NOVA1: variants seen among roughly 807,000 people sequenced by gnomAD.
NOVA1 encodes the protein NOVA alternative splicing regulator 1.
NOVA1 carries 7 observed loss-of-function variants against 38.0 expected under a neutral mutation model. The observed-to-expected ratio is 0.18, with a 90% CI of 0.10 to 0.35. The LOEUF is 0.35. Among genes scored for constraint, NOVA1 ranks in the 10% least tolerant of loss-of-function variants. The probability of loss-of-function intolerance (pLI) is 1.00; values close to 1 mark genes in which losing one functional copy is unlikely to be tolerated. For synonymous variants in NOVA1, 270 were observed against 232.5 expected (o/e 1.16, Z -1.47); for missense variants, 460 against 616.0 (o/e 0.75, Z 2.68).
chr14:26,572,471 T>C (rs1892540678), intron 2 of NOVA1, among the ~76,000 whole-genome samples: 1 of 152,166 alleles, frequency 6.6e-6, no homozygotes, highest in Non-Finnish European at 1.5e-5. Flanking sequence ...TACATACAGA[T>C]TGAGCATCTA....
chr14:26,468,475 A>T (rs1884326314), intron 4 of NOVA1, among the ~76,000 whole-genome samples: 1 of 152,204 alleles, frequency 6.6e-6, no homozygotes, highest in Admixed American at 6.5e-5. Context: ...TAAGTCATGC[A>T]TGGGCTCTTG....
chr14:26,544,680 G>A (rs1341490343), intron 2 of NOVA1, among the ~76,000 whole-genome samples: 1 of 151,616 alleles, frequency 6.6e-6, no homozygotes, highest in Admixed American at 6.6e-5. Flanking sequence ...AGAAAAGAAG[G>A]AATGAAAGAA....
intron 2 of NOVA1, among the ~76,000 whole-genome samples, chr14:26,496,008 A>AGT (rs1886750232): frequency 7.2e-6 from 1 of 138,250 alleles, no homozygotes; most frequent in African/African-American, 2.5e-5. Flanking sequence ...TTGGGTATAT[A>AGT]CCCAGTAATG....
At chr14:26,464,412 CTA>C (rs1229258381) in intron 4 of NOVA1, among the ~76,000 whole-genome samples, 2 of 152,164 alleles carry the variant, frequency 1.3e-5, no homozygotes, top group Non-Finnish European at 2.9e-5. Context: ...TTGTAATGGG[CTA>C]TACCATCTAG....
At chr14:26,581,360 A>G (rs771888302) in intron 2 of NOVA1, among the ~76,000 whole-genome samples, 18 of 152,102 alleles carry the variant, frequency 1.2e-4, no homozygotes, top group Non-Finnish European at 2.6e-4. Context: ...CCTTAAATCT[A>G]TAATTCAACA....
rs1175389538 is a variant in NOVA1, at chr14:26,454,160, A to G, written c.520-5197T>C. 5.9e-5 allele frequency among the ~76,000 whole-genome samples: 9 copies of G among 152,158 alleles called. No individual in the cohort carries two copies. The East Asian group carries it at 1.7e-3, about 29-fold the overall frequency. On this transcript the variant is annotated intron_variant, in intron 4 of 4. Coordinates refer to ENST00000539517, the MANE Select transcript of NOVA1 (RefSeq NM_002515.3). The stretch of plus-strand genomic sequence containing the variant: ...AATGATAGCTGAAGAACTTTAAAAA[A>G]TGCAAAGAAAAAAAAAACAGAAAAG...
chr14:26,510,609 T>A (rs1888000983), intron 2 of NOVA1, among the ~76,000 whole-genome samples: 1 of 151,910 alleles, frequency 6.6e-6, no homozygotes, highest in African/African-American at 2.4e-5. Context: ...AAATAAAGAT[T>A]ATGGAGAAGG....
chr14:26,457,605 A>G (rs1170328857), intron 4 of NOVA1, among the ~76,000 whole-genome samples: 2 of 152,154 alleles, frequency 1.3e-5, no homozygotes, highest in African/African-American at 2.4e-5. Flanking sequence ...ACAATTGTGT[A>G]CAGTACATAA....
At chr14:26,566,486 A>G (rs1393694653) in intron 2 of NOVA1, among the ~76,000 whole-genome samples, 1 of 152,132 alleles carries the variant, frequency 6.6e-6, no homozygotes, top group African/African-American at 2.4e-5. Context: ...AAAGAAGTAA[A>G]TAACATATAC....
chr14:26,595,143 T>G (rs879804008), intron 2 of NOVA1, among the ~76,000 whole-genome samples: 5 of 152,056 alleles, frequency 3.3e-5, no homozygotes, highest in East Asian at 1.9e-4. Context: ...AATTTTTGAG[T>G]TTTTTTGCTA....
At chr14:26,455,910 G>T (rs2138586052) in intron 4 of NOVA1, among the ~76,000 whole-genome samples, 1 of 151,764 alleles carries the variant, frequency 6.6e-6, no homozygotes, top group Admixed American at 6.6e-5. Flanking sequence ...AATAATTTGG[G>T]GTATTGTCTT....
At chr14:26,587,237 T>C (rs574889962) in intron 2 of NOVA1, among the ~76,000 whole-genome samples, 25 of 150,014 alleles carry the variant, frequency 1.7e-4, no homozygotes, top group Admixed American at 1.6e-3. Flanking sequence ...TTTCTCCAAA[T>C]CTTTTAAATA....
intron 4 of NOVA1, among the ~76,000 whole-genome samples, chr14:26,452,077 T>A (rs1324358021): frequency 1.3e-5 from 2 of 152,322 alleles, no homozygotes; most frequent in East Asian, 3.9e-4. Context: ...AACATAAATA[T>A]AAAAAGTTTC....
intron 2 of NOVA1, chr14:26,549,923 G>A (rs1354009781): frequency 3.4e-6 from 1 of 293,552 alleles, no homozygotes; most frequent in Admixed American, 3.1e-5. Context: ...GAACAAAGTG[G>A]CTGTCTGAAA....
rs1888074602 is a variant in NOVA1 at position 26,511,430 on chromosome 14, T to G, written c.281-31287A>C. Among the ~76,000 whole-genome samples the G allele has an allele frequency of 3.3e-5, 5 of 152,270 alleles. No homozygotes were observed. The South Asian group carries it at 6.2e-4, about 19-fold the overall frequency. On this transcript the variant is annotated intron_variant, in intron 2 of 4. Transcript: ENST00000539517. ...ATATCGTTAAACACTCCTTAGATTTTAGTTTAATCATCTAAAAATTTGCAG... is the reference window on the plus strand; with the variant it reads ...ATATCGTTAAACACTCCTTAGATTTGAGTTTAATCATCTAAAAATTTGCAG...
chr14:26,537,283 T>A (rs1044118586), intron 2 of NOVA1, among the ~76,000 whole-genome samples: 2 of 151,784 alleles, frequency 1.3e-5, no homozygotes, highest in East Asian at 1.9e-4. Flanking sequence ...AACAAAAAAA[T>A]TATATATAAT....
At chr14:26,581,908 A>G (rs1400019870) in intron 2 of NOVA1, among the ~76,000 whole-genome samples, 1 of 151,924 alleles carries the variant, frequency 6.6e-6, no homozygotes, top group Non-Finnish European at 1.5e-5. Context: ...TATATTCTTC[A>G]TCTGTAAAAT....
intron 1 of NOVA1, chr14:26,596,135 G>A: frequency 4.3e-6 from 1 of 231,390 alleles, no homozygotes; most frequent in Non-Finnish European, 8.7e-6. Context: ...ATAACTGCCA[G>A]GAAATAACTC....
chr14:26,541,172 T>C (rs750278479), intron 2 of NOVA1, among the ~76,000 whole-genome samples: 16 of 152,218 alleles, frequency 1.1e-4, no homozygotes, highest in Admixed American at 2.0e-4. Flanking sequence ...GCATGCTGAA[T>C]CTGTCATACT....
Sources: allele counts gnomAD v4.1 joint callset (sites outside exome capture counted in the v4.1 genomes callset), GRCh38; gene constraint gnomAD v4.1.1; transcripts MANE v1.5; gene names NCBI Gene and HGNC (gene_info 2026-07-23, HGNC 2026-07-21).